DIAPH3: variants seen among roughly 807,000 people sequenced by gnomAD.
DIAPH3 encodes diaphanous related formin 3, also known as protein diaphanous homolog 3.
A neutral mutation model predicts 144.3 loss-of-function variants in DIAPH3; 117 were observed. That is an observed-to-expected ratio of 0.81 (90% CI 0.70 to 0.95). The LOEUF (loss-of-function observed/expected upper bound fraction) is 0.95. DIAPH3 is among the 40% of genes least tolerant of loss of function. The pLI is 0.00. For synonymous variants in DIAPH3, 519 were observed against 488.9 expected (o/e 1.06, Z -0.81); for missense variants, 1,421 against 1,412.7 (o/e 1.01, Z -0.09).
intron 20 of DIAPH3, among the ~76,000 whole-genome samples, chr13:59,890,985 CT>C (rs2045757528): frequency 6.6e-6 from 1 of 151,470 alleles, no homozygotes; most frequent in South Asian, 2.1e-4. Flanking sequence ...CAGAATATAT[CT>C]ACAATAATTT....
chr13:59,851,609 A>C (rs2042973590), intron 22 of DIAPH3, among the ~76,000 whole-genome samples: 1 of 149,816 alleles, frequency 6.7e-6, no homozygotes, highest in Non-Finnish European at 1.5e-5. Context: ...TCAGTAAATG[A>C]CTGATTCAAC....
intron 27 of DIAPH3, among the ~76,000 whole-genome samples, chr13:59,760,983 T>C (rs2037549277): frequency 6.6e-6 from 1 of 152,184 alleles, no homozygotes; most frequent in South Asian, 2.1e-4. Context: ...TGCTAATAAA[T>C]GGTAAAACTG....
intron 1 of DIAPH3, among the ~76,000 whole-genome samples, chr13:60,155,164 A>T (rs1417826791): frequency 6.6e-6 from 1 of 152,208 alleles, no homozygotes; most frequent in African/African-American, 2.4e-5. Context: ...TCTGTTCAGA[A>T]GCAATTGCTA....
intron 2 of DIAPH3, among the ~76,000 whole-genome samples, chr13:60,119,742 G>A (rs1385437058): frequency 3.6e-5 from 3 of 82,614 alleles, no homozygotes; most frequent in Non-Finnish European, 6.4e-5. Context: ...GCGAGACTCC[G>A]TCTCAAAAAA....
chr13:59,908,118 C>T (rs1297479826), intron 20 of DIAPH3, among the ~76,000 whole-genome samples: 2 of 151,872 alleles, frequency 1.3e-5, no homozygotes, highest in Non-Finnish European at 2.9e-5. Flanking sequence ...CACCTGTAAT[C>T]CCAGCACTTT....
chr13:59,806,234 T>G (rs1200571719), intron 25 of DIAPH3, among the ~76,000 whole-genome samples: 1 of 152,000 alleles, frequency 6.6e-6, no homozygotes, highest in African/African-American at 2.4e-5. Context: ...TAATTCACCC[T>G]TCCACATTCT....
chr13:59,823,374 G>A (rs2041183642), intron 24 of DIAPH3, among the ~76,000 whole-genome samples: 1 of 152,026 alleles, frequency 6.6e-6, no homozygotes, highest in Non-Finnish European at 1.5e-5. Flanking sequence ...AAATACTAAA[G>A]GATAATAAGA....
At chr13:60,090,672 A>G (rs1566759914) in intron 4 of DIAPH3, among the ~76,000 whole-genome samples, 1 of 152,210 alleles carries the variant, frequency 6.6e-6, no homozygotes, top group Non-Finnish European at 1.5e-5. Flanking sequence ...ATGTAAATAA[A>G]GTGGCATGAC....
chr13:59,750,465 C>G (rs903363005), intron 27 of DIAPH3, among the ~76,000 whole-genome samples: 1 of 152,170 alleles, frequency 6.6e-6, no homozygotes, highest in Non-Finnish European at 1.5e-5. Context: ...AACATTTTAT[C>G]AAATTAAACT....
chr13:59,839,460 T>A lies in DIAPH3; in HGVS notation c.2738-12A>T, dbSNP rs1025635343. On this transcript the variant is annotated splice_polypyrimidine_tract_variant and intron_variant, in intron 22 of 27. Coordinates refer to ENST00000400324, the MANE Select transcript of DIAPH3 (RefSeq NM_001042517.2). ...CGTTTCTACAGAGACTAAAAGAGAG[T>A]ATATTAAATGCCCGGAAAGGACAAA... 6.2e-7 allele frequency: 1 copy of A among 1,611,806 alleles called. No homozygotes were observed. Among genetic ancestry groups the A allele is most frequent in the Non-Finnish European group, 8.5e-7 (1 of 1,178,960 alleles).
chr13:59,782,942 G>T (rs2038818727), intron 25 of DIAPH3, among the ~76,000 whole-genome samples: 1 of 152,160 alleles, frequency 6.6e-6, no homozygotes, highest in Non-Finnish European at 1.5e-5. Flanking sequence ...AACGCTGCGA[G>T]GTGAAGGTGA....
At chr13:59,811,504 C>T (rs2040471428) in intron 24 of DIAPH3, among the ~76,000 whole-genome samples, 1 of 151,906 alleles carries the variant, frequency 6.6e-6, no homozygotes, top group Non-Finnish European at 1.5e-5. Flanking sequence ...TTTGGGAGGC[C>T]GAGGTGGGCG....
chr13:60,083,999 T>TAGAC (rs1566751733), intron 4 of DIAPH3, among the ~76,000 whole-genome samples: 1 of 119,768 alleles, frequency 8.3e-6, no homozygotes, highest in African/African-American at 3.2e-5. Flanking sequence ...GAGTGATAGA[T>TAGAC]AGATAGACAG....
chr13:59,728,504 C>T (rs2035716584), intron 27 of DIAPH3, among the ~76,000 whole-genome samples: 1 of 151,848 alleles, frequency 6.6e-6, no homozygotes, highest in African/African-American at 2.4e-5. Context: ...TTAATTGACA[C>T]TGTAGAAAGA....
At chr13:59,715,526 A>G (rs1198780622) in intron 27 of DIAPH3, among the ~76,000 whole-genome samples, 1 of 152,136 alleles carries the variant, frequency 6.6e-6, no homozygotes, top group African/African-American at 2.4e-5. Flanking sequence ...TTGCTTCAAT[A>G]TTAGAACTTG....
chr13:59,907,731 C>T (rs1358307401), intron 20 of DIAPH3, among the ~76,000 whole-genome samples: 2 of 152,188 alleles, frequency 1.3e-5, no homozygotes, highest in African/African-American at 4.8e-5. Context: ...AAGAAGGTAA[C>T]TTAAGTTTCT....
intron 2 of DIAPH3, among the ~76,000 whole-genome samples, chr13:60,115,001 A>G (rs925144207): frequency 2.0e-5 from 3 of 152,236 alleles, no homozygotes; most frequent in Non-Finnish European, 2.9e-5. Flanking sequence ...CCAATAACAT[A>G]AACAGTCAAT....
chr13:59,967,207 C>T lies in DIAPH3; in HGVS notation c.2074+2737G>A, dbSNP rs532787329. Among the ~76,000 whole-genome samples the T allele has an allele frequency of 1.8e-3, 269 of 152,016 alleles. 1 individual carries two copies. Among genetic ancestry groups the T allele is most frequent in the African/African-American group, 6.2e-3 (255 of 41,454 alleles). On this transcript the variant is annotated intron_variant, in intron 17 of 27. Coordinates refer to ENST00000400324, the MANE Select transcript of DIAPH3 (RefSeq NM_001042517.2). ...TCAGCCTCCGGAGTAGCTGGGACTA[C>T]AGGTGTGCACCACCATGCCTGGCTA... is the stretch of plus-strand genomic sequence containing the variant.
At chr13:59,928,933 C>T (rs1295741449) in intron 17 of DIAPH3, among the ~76,000 whole-genome samples, 1 of 152,086 alleles carries the variant, frequency 6.6e-6, no homozygotes, top group Non-Finnish European at 1.5e-5. Context: ...CAGTCCCACA[C>T]TGGAGGTGGC....
Sources: gnomAD v4.1 joint callset for allele counts (sites outside exome capture counted in the v4.1 genomes callset) on GRCh38, gnomAD v4.1.1 for gene constraint, MANE v1.5 for transcripts, NCBI Gene and HGNC (gene_info 2026-07-23, HGNC 2026-07-21) for gene names.